Variants in KLHL29 observed in about 807,000 individuals in gnomAD.
The protein encoded by KLHL29 is kelch-like protein 29.
Under a neutral mutation model 80.4 loss-of-function variants are expected in KLHL29, and 21 were observed. The observed-to-expected ratio is 0.26, with a 90% confidence interval of 0.19 to 0.38. KLHL29 has a LOEUF of 0.38. Ranked by LOEUF, KLHL29 falls within the 10% of genes least tolerant of loss-of-function variation. The pLI is 1.00. For synonymous variants in KLHL29, 511 were observed against 526.8 expected (o/e 0.97, Z 0.41); for missense variants, 867 against 1,223.9 (o/e 0.71, Z 4.35).
chr2:23,649,360 GCCT>G (rs1670026811), intron 5 of KLHL29, among the ~76,000 whole-genome samples: 1 of 152,238 alleles, frequency 6.6e-6, no homozygotes, highest in Non-Finnish European at 1.5e-5. Flanking sequence ...TGCTCAGGAA[GCCT>G]CCTCCCCTCG....
intron 6 of KLHL29, among the ~76,000 whole-genome samples, chr2:23,686,678 C>T (rs1558439417): frequency 6.6e-6 from 1 of 152,128 alleles, no homozygotes; most frequent in Non-Finnish European, 1.5e-5. Context: ...AGTTGACCAT[C>T]TGGTGTGTCA....
intron 1 of KLHL29, among the ~76,000 whole-genome samples, chr2:23,389,929 T>G (rs2103381384): frequency 6.6e-6 from 1 of 152,350 alleles, no homozygotes; most frequent in South Asian, 2.1e-4. Flanking sequence ...TTGTCTGAAG[T>G]AAATTTTACC....
intron 3 of KLHL29, among the ~76,000 whole-genome samples, chr2:23,602,924 T>C (rs1356781188): frequency 1.3e-5 from 2 of 152,322 alleles, no homozygotes; most frequent in East Asian, 3.9e-4. Flanking sequence ...TAGGCCAGCT[T>C]GGACTTGCCA....
intron 3 of KLHL29, among the ~76,000 whole-genome samples, chr2:23,622,753 A>T (rs1669215612): frequency 6.6e-6 from 1 of 152,244 alleles, no homozygotes; most frequent in South Asian, 2.1e-4. Context: ...CTGCATGGGT[A>T]ATAACACAGG....
At chr2:23,639,406 C>T in intron 4 of KLHL29, 126 bp downstream of exon 4, 2 of 900,868 alleles carry the variant, frequency 2.2e-6, no homozygotes, top group Middle Eastern at 2.8e-4. Flanking sequence ...GCCCCCTCCT[C>T]AGGTTCAGGG....
intron 1 of KLHL29, among the ~76,000 whole-genome samples, chr2:23,391,268 G>A (rs1361875483): frequency 6.6e-6 from 1 of 151,308 alleles, no homozygotes; most frequent in Non-Finnish European, 1.5e-5. Context: ...TGCATTGCAT[G>A]TATGGGCCAC....
chr2:23,549,933 C>T (rs1343501805), intron 2 of KLHL29, among the ~76,000 whole-genome samples: 4 of 152,162 alleles, frequency 2.6e-5, no homozygotes, highest in African/African-American at 4.8e-5. Context: ...CTAGCTAAGA[C>T]GCAGTCTCCT....
chr2:23,571,564 G>A (rs1384295466), intron 3 of KLHL29, among the ~76,000 whole-genome samples: 1 of 152,242 alleles, frequency 6.6e-6, no homozygotes, highest in African/African-American at 2.4e-5. Context: ...AAAGGGTCAT[G>A]TGAGGCAGTT....
chr2:23,460,082 G>A (rs564311168), intron 1 of KLHL29, among the ~76,000 whole-genome samples: 57 of 152,302 alleles, frequency 3.7e-4, no homozygotes, highest in Non-Finnish European at 6.8e-4. Context: ...TATTTATTCA[G>A]TTAGCAAACT....
chr2:23,621,122 C>T (rs547032835), intron 3 of KLHL29, among the ~76,000 whole-genome samples: 15 of 152,346 alleles, frequency 9.8e-5, no homozygotes, highest in African/African-American at 3.1e-4. Flanking sequence ...AAGCATTTGC[C>T]TGTGAAGAGG....
rs562270791 is a variant in KLHL29, at chr2:23,596,603, C to T, written c.285+34122C>T. ...ATAATGGAAGATGAGATTGTGCTGGCGGGAACACATCATGTCTGGGGACGT... is the reference window on the plus strand; with the variant it reads ...ATAATGGAAGATGAGATTGTGCTGGTGGGAACACATCATGTCTGGGGACGT... On this transcript the variant is annotated intron_variant, in intron 3 of 13. Coordinates refer to ENST00000486442, the MANE Select transcript of KLHL29 (RefSeq NM_052920.2). This position sits in a 1 kb window ranked among gnomAD's most constrained non-coding sequence, Gnocchi z 4.4. Among the ~76,000 whole-genome samples, 2 of 152,282 alleles carry T rather than the reference C, an allele frequency of 1.3e-5. No homozygotes were observed. Among genetic ancestry groups the T allele is most frequent in the East Asian group, 1.9e-4 (1 of 5,180 alleles).
At chr2:23,430,782 A>T (rs969766058) in intron 1 of KLHL29, among the ~76,000 whole-genome samples, 2 of 152,142 alleles carry the variant, frequency 1.3e-5, no homozygotes, top group Non-Finnish European at 2.9e-5. Flanking sequence ...TTTCTCTTCT[A>T]GATAGTGAGC....
At chr2:23,671,177 A>C (rs946569762) in intron 5 of KLHL29, among the ~76,000 whole-genome samples, 2 of 151,568 alleles carry the variant, frequency 1.3e-5, no homozygotes, top group East Asian at 3.9e-4. Context: ...CTGGTTCACT[A>C]ATTCTTGCAA....
chr2:23,694,727 GC>G (rs1177771858), intron 8 of KLHL29, among the ~76,000 whole-genome samples: 2 of 152,230 alleles, frequency 1.3e-5, no homozygotes, highest in Admixed American at 1.3e-4. Flanking sequence ...CTCTACACGG[GC>G]TTCGAATGTC....
At chr2:23,571,638 GA>G (rs982351266) in intron 3 of KLHL29, among the ~76,000 whole-genome samples, 1 of 152,180 alleles carries the variant, frequency 6.6e-6, no homozygotes, top group African/African-American at 2.4e-5. Flanking sequence ...TGCTTTTAAG[GA>G]AGAGTCACAA....
At chr2:23,646,612 C>G (rs1411376760) in intron 5 of KLHL29, among the ~76,000 whole-genome samples, 1 of 152,194 alleles carries the variant, frequency 6.6e-6, no homozygotes, top group African/African-American at 2.4e-5. Flanking sequence ...GGCTTGTCCT[C>G]CCTTCTGGGA....
At position 23,558,411 on chromosome 2, in the gene KLHL29, T is replaced by TTTTTTTTTTTTC. The variant is rs199870615; in HGVS notation, c.-45-3737_-45-3726dup. Among the ~76,000 whole-genome samples, 103 of 118,898 alleles carry TTTTTTTTTTTTC rather than the reference T, an allele frequency of 8.7e-4. 1 individual carries two copies. The highest frequency in any genetic ancestry group is 2.7e-3 in the African/African-American group (88 of 32,506). 78.0% of individuals were successfully genotyped at this position (118,898 alleles called of 152,430 possible). On this transcript the variant is annotated intron_variant, in intron 2 of 13. Transcript: ENST00000486442. ...ACTAGGACTGTAAGACATTTTCTCT[T>TTTTTTTTTTTTC]TTTTTTTTTTTCTTTGGTCTCACTC...
intron 2 of KLHL29, among the ~76,000 whole-genome samples, chr2:23,490,797 C>T (rs982069656): frequency 5.3e-5 from 8 of 152,148 alleles, no homozygotes; most frequent in African/African-American, 1.7e-4. Flanking sequence ...GGCTCCCAAC[C>T]TAAACCCCCC....
intron 2 of KLHL29, among the ~76,000 whole-genome samples, chr2:23,550,045 C>T (rs1038984251): frequency 1.3e-5 from 2 of 152,190 alleles, no homozygotes; most frequent in African/African-American, 2.4e-5. Flanking sequence ...AGCGTGGTCC[C>T]TCCCCTGCCC....
Sources: allele counts gnomAD v4.1 joint callset (sites outside exome capture counted in the v4.1 genomes callset), GRCh38; gene constraint gnomAD v4.1.1; non-coding constraint Gnocchi (gnomAD v3.1); transcripts MANE v1.5; gene names NCBI Gene and HGNC (gene_info 2026-07-23, HGNC 2026-07-21).